FILIP1: variants seen among roughly 807,000 people sequenced by gnomAD.
FILIP1 encodes filamin A interacting protein 1, also known as filamin-A-interacting protein 1.
Under a neutral mutation model 102.1 loss-of-function variants are expected in FILIP1, and 61 were observed. The ratio of observed to expected loss-of-function variants is 0.60; its 90% CI spans 0.49 to 0.74. FILIP1 has a LOEUF of 0.74. FILIP1 is among the 30% of genes least tolerant of loss of function. The pLI is 0.00. For synonymous variants in FILIP1, 491 were observed against 526.9 expected, an observed-to-expected ratio of 0.93 and a Z score of 0.93; for missense variants, 1,314 against 1,441.2, an observed-to-expected ratio of 0.91 and a Z score of 1.43.
intron 1 of FILIP1, among the ~76,000 whole-genome samples, chr6:75,433,275 T>C (rs147614081): frequency 0.024 from 3,591 of 152,216 alleles, 162 homozygotes; most frequent in African/African-American, 0.08. Flanking sequence ...AGTGATTGAA[T>C]AGTTTGCAGT....
At chr6:75,347,588 C>T (rs1562485621) in intron 4 of FILIP1, among the ~76,000 whole-genome samples, 1 of 152,152 alleles carries the variant, frequency 6.6e-6, no homozygotes. Context: ...GCCACTAAAC[C>T]TAAAAAACTT....
In FILIP1 at chr6:75,372,728, G is replaced by GAGAAAGAAAGAA. The variant is rs71002736; in HGVS notation, c.277-9823_277-9812dup. 1.1e-3 allele frequency among the ~76,000 whole-genome samples: 66 copies of GAGAAAGAAAGAA among 61,416 alleles called. 1 individual carries two copies. Among genetic ancestry groups the GAGAAAGAAAGAA allele is most frequent in the Admixed American group, 2.2e-3 (13 of 5,808 alleles). The allele number at this position is 61,416 out of a possible 152,430, so 40.3% of individuals were successfully genotyped here. A position where few individuals can be genotyped will look rare whatever the true frequency, so the allele number is the denominator to read the frequency against. On this transcript the variant is annotated intron_variant, in intron 2 of 5. Transcript: ENST00000237172. ...AAGAAAGAAAGGAAAGAAAGAGAAA[G>GAGAAAGAAAGAA]AGAAAGAAAGAAAGAAAGAAAGAAA...
At chr6:75,441,343 T>C (rs1213337714) in intron 1 of FILIP1, among the ~76,000 whole-genome samples, 2 of 152,222 alleles carry the variant, frequency 1.3e-5, no homozygotes, top group East Asian at 3.8e-4. Flanking sequence ...AGAATTTTTC[T>C]TAGTACAGAA....
chr6:75,369,082 G>T (rs1775433981), intron 2 of FILIP1, among the ~76,000 whole-genome samples: 1 of 152,186 alleles, frequency 6.6e-6, no homozygotes, highest in Non-Finnish European at 1.5e-5. Context: ...AAGGTTCTTG[G>T]CAGGGTTGTC....
intron 4 of FILIP1, among the ~76,000 whole-genome samples, chr6:75,324,815 C>T (rs1217539317): frequency 3.3e-5 from 5 of 152,178 alleles, no homozygotes; most frequent in East Asian, 1.9e-4. Context: ...TTCAACAAGG[C>T]GAACAAAAGC....
At chr6:75,490,822 T>C (rs1370455506) in intron 1 of FILIP1, among the ~76,000 whole-genome samples, 1 of 152,170 alleles carries the variant, frequency 6.6e-6, no homozygotes, top group Non-Finnish European at 1.5e-5. Flanking sequence ...AAGACTTTCC[T>C]TGAGAAATTT....
chr6:75,313,991 C>T lies in FILIP1; in HGVS notation c.1841G>A (p.Arg614Lys), dbSNP rs1773323695. The change falls in exon 5 of 6, where the codon AGG (arginine) becomes AAG (lysine). Residue 614 changes from arginine to lysine, a missense_variant. Coordinates refer to ENST00000237172, the MANE Select transcript of FILIP1 (RefSeq NM_015687.5). This position sits in a 1 kb window ranked among gnomAD's most constrained non-coding sequence, Gnocchi z 4.2. ...GGTGAGCTCAGACCCTTTTCGTGAC[C>T]TTCCTCTTGTTATTTCTCTTTCCAC... Reference protein sequence around the residue: ...EEVEREITRGRSRKGSELTCP... With the variant: ...EEVEREITRGKSRKGSELTCP... The T allele has an allele frequency of 1.3e-6, 2 of 1,567,562 alleles. No homozygotes were observed. Among genetic ancestry groups the T allele is most frequent in the Admixed American group, 2.0e-5 (1 of 50,440 alleles).
intron 1 of FILIP1, among the ~76,000 whole-genome samples, chr6:75,427,046 G>A (rs1238015909): frequency 6.6e-6 from 1 of 152,038 alleles, no homozygotes; most frequent in African/African-American, 2.4e-5. Context: ...CAACACTGAT[G>A]TTCAGTGTTT....
At chr6:75,388,845 A>T (rs1776186718) in intron 2 of FILIP1, among the ~76,000 whole-genome samples, 1 of 152,140 alleles carries the variant, frequency 6.6e-6, no homozygotes, top group South Asian at 2.1e-4. Flanking sequence ...CTCTCTTCCT[A>T]TTTGAATACT....
At chr6:75,352,345 G>T (rs1352373447) in intron 4 of FILIP1, among the ~76,000 whole-genome samples, 1 of 152,138 alleles carries the variant, frequency 6.6e-6, no homozygotes, top group Non-Finnish European at 1.5e-5. Context: ...AATATCACTG[G>T]TTTCAAAGTC....
chr6:75,352,395 G>C (rs1774838218), intron 4 of FILIP1, among the ~76,000 whole-genome samples: 1 of 152,104 alleles, frequency 6.6e-6, no homozygotes. Context: ...CTAGGGAAGA[G>C]AAGGCAGATA....
chr6:75,388,107 C>A (rs1256200694), intron 2 of FILIP1, among the ~76,000 whole-genome samples: 1 of 152,158 alleles, frequency 6.6e-6, no homozygotes, highest in Non-Finnish European at 1.5e-5. Flanking sequence ...ATATGGCTAG[C>A]CCGTTTTCCC....
chr6:75,492,071 A>G (rs1416025378), intron 1 of FILIP1, among the ~76,000 whole-genome samples: 3 of 152,220 alleles, frequency 2.0e-5, no homozygotes, highest in Non-Finnish European at 4.4e-5. Flanking sequence ...CAGGAGTTTC[A>G]GTCTCTAATA....
chr6:75,307,825 T>G (rs1399175280), downstream of FILIP1, among the ~76,000 whole-genome samples: 1 of 152,212 alleles, frequency 6.6e-6, no homozygotes, highest in African/African-American at 2.4e-5. Flanking sequence ...CATGATGTCA[T>G]TTTTTCCCTT....
At chr6:75,351,637 A>G (rs1774811387) in intron 4 of FILIP1, among the ~76,000 whole-genome samples, 1 of 152,216 alleles carries the variant, frequency 6.6e-6, no homozygotes, top group Non-Finnish European at 1.5e-5. Context: ...AACATGCTGT[A>G]CAGTTTTGTA....
At chr6:75,356,451 T>C (rs914184980) in intron 3 of FILIP1, among the ~76,000 whole-genome samples, 1 of 151,892 alleles carries the variant, frequency 6.6e-6, no homozygotes, top group African/African-American at 2.4e-5. Flanking sequence ...TTTTTACATC[T>C]TCTAATAATT....
intron 2 of FILIP1, among the ~76,000 whole-genome samples, chr6:75,412,126 C>A (rs1213506334): frequency 6.6e-6 from 1 of 152,112 alleles, no homozygotes; most frequent in African/African-American, 2.4e-5. Context: ...TGAAGAGGTC[C>A]TTCACATCCC....
At chr6:75,326,897 A>G (rs1252807853) in intron 4 of FILIP1, among the ~76,000 whole-genome samples, 1 of 152,190 alleles carries the variant, frequency 6.6e-6, no homozygotes, top group Non-Finnish European at 1.5e-5. Flanking sequence ...CTATTTTGTC[A>G]CCCAGAATAA....
At chr6:75,442,203 G>A (rs1223227549) in intron 1 of FILIP1, among the ~76,000 whole-genome samples, 4 of 151,506 alleles carry the variant, frequency 2.6e-5, no homozygotes, top group African/African-American at 9.7e-5. Flanking sequence ...GATGGCGGCC[G>A]GGAAGAGGCG....
Sources: gnomAD v4.1 joint callset for allele counts (sites outside exome capture counted in the v4.1 genomes callset) on GRCh38, gnomAD v4.1.1 for gene constraint, Gnocchi (gnomAD v3.1) non-coding constraint, MANE v1.5 for transcripts, NCBI Gene and HGNC (gene_info 2026-07-23, HGNC 2026-07-21) for gene names.